STOX2: variants seen among roughly 807,000 people sequenced by gnomAD.
STOX2 encodes the protein storkhead box 2, also known as storkhead-box protein 2.
STOX2 carries 28 observed loss-of-function variants against 60.9 expected under a neutral mutation model. That is an observed-to-expected ratio of 0.46 (90% CI 0.34 to 0.63). The LOEUF is 0.63. Among genes scored for constraint, STOX2 ranks in the 30% least tolerant of loss-of-function variants. The probability of loss-of-function intolerance (pLI) is 0.01; values close to 1 mark genes in which losing one functional copy is unlikely to be tolerated. For missense variants in STOX2, 1,024 were observed against 1,187.7 expected (o/e 0.86, Z 2.03); for synonymous variants, 472 against 463.9 (o/e 1.02, Z -0.22).
intron 1 of STOX2, among the ~76,000 whole-genome samples, chr4:183,838,551 A>G (rs1739770392): frequency 6.6e-6 from 1 of 152,256 alleles, no homozygotes; most frequent in South Asian, 2.1e-4. Flanking sequence ...TGAAGCTACT[A>G]CATCAAAGAT....
At chr4:183,988,079 G>A (rs1732926563) in intron 1 of STOX2, 1 of 144,036 alleles carries the variant, frequency 6.9e-6, no homozygotes, top group South Asian at 2.2e-4. Context: ...GGAGAGGAGA[G>A]TGTGCCCCTC....
At chr4:183,927,178 A>G (rs931489359) in intron 1 of STOX2, among the ~76,000 whole-genome samples, 1 of 152,202 alleles carries the variant, frequency 6.6e-6, no homozygotes, top group African/African-American at 2.4e-5. Context: ...GCCAACGCCA[A>G]ATAGTGGCTT....
intron 1 of STOX2, among the ~76,000 whole-genome samples, chr4:183,871,308 T>C (rs1229577441): frequency 6.6e-6 from 1 of 152,232 alleles, no homozygotes; most frequent in Non-Finnish European, 1.5e-5. Flanking sequence ...TCTTTCTTCT[T>C]TGAATGCCTT....
intron 1 of STOX2, among the ~76,000 whole-genome samples, chr4:183,909,703 C>A (rs925581029): frequency 2.0e-5 from 3 of 152,172 alleles, no homozygotes; most frequent in Non-Finnish European, 2.9e-5. Flanking sequence ...TCCTTTTGGT[C>A]TAGCATCCCG....
intron 1 of STOX2, among the ~76,000 whole-genome samples, chr4:183,819,895 TTAAATAGGG>T (rs1278644185): frequency 6.6e-6 from 1 of 152,178 alleles, no homozygotes; most frequent in Admixed American, 6.5e-5. Flanking sequence ...GGTTATGCTC[TTAAATAGGG>T]TAAGCAATGT....
chr4:183,798,898 C>CCGG, intron 1 of STOX2: 2 of 614,606 alleles, frequency 3.3e-6, no homozygotes, highest in Non-Finnish European at 3.7e-6. Context: ...GGGTTTTATA[C>CCGG]TTTGAGTTTT....
At chr4:183,893,617 C>T (rs1427809691) in intron 1 of STOX2, among the ~76,000 whole-genome samples, 2 of 151,662 alleles carry the variant, frequency 1.3e-5, no homozygotes, top group Admixed American at 1.3e-4. Context: ...ATATAAAATA[C>T]ACTATTATTT....
chr4:183,851,466 A>AGG, intron 1 of STOX2, among the ~76,000 whole-genome samples: 1 of 54,172 alleles, frequency 1.8e-5, no homozygotes, highest in Non-Finnish European at 3.8e-5. Context: ...AGAAACGATG[A>AGG]GAGAAACGAT....
At chr4:184,013,002 G>T (rs1235441427) in intron 3 of STOX2, among the ~76,000 whole-genome samples, 2 of 152,144 alleles carry the variant, frequency 1.3e-5, no homozygotes, top group East Asian at 3.9e-4. Flanking sequence ...AATTTTTGGT[G>T]GTAGGTGTGG....
At chr4:183,938,767 A>G (rs996999654) in intron 1 of STOX2, among the ~76,000 whole-genome samples, 3 of 151,770 alleles carry the variant, frequency 2.0e-5, no homozygotes, top group African/African-American at 7.3e-5. Flanking sequence ...TTCAAAGCTC[A>G]CCATTACCTT....
Position 183,906,623 on chromosome 4 carries a change from G to A in STOX2, c.-168G>A. 1 of 659,484 alleles carries A rather than the reference G, an allele frequency of 1.5e-6. No homozygotes were observed. The highest frequency in any genetic ancestry group is 2.5e-6 in the Non-Finnish European group (1 of 402,854). 40.9% of individuals were successfully genotyped at this position (659,484 alleles called of 1,614,324 possible). On this transcript the variant is annotated 5_prime_UTR_variant, in exon 1 of 4. The change creates a new upstream start codon in the 5' untranslated region. Coordinates refer to ENST00000308497, the MANE Select transcript of STOX2 (RefSeq NM_020225.3). ...CTTCGCCGTGGGGGTGTGGGGGGGCGTGGGGAGGGCCGGACCCGCCGCTGG... is the reference window on the plus strand; with the variant it reads ...CTTCGCCGTGGGGGTGTGGGGGGGCATGGGGAGGGCCGGACCCGCCGCTGG...
chr4:183,904,528 C>T (rs1741536254), upstream of STOX2, among the ~76,000 whole-genome samples: 1 of 152,180 alleles, frequency 6.6e-6, no homozygotes. Context: ...CTAGAAGTGC[C>T]TTTCCCAATT....
chr4:183,862,733 C>T (rs1332679870), intron 1 of STOX2, among the ~76,000 whole-genome samples: 1 of 152,196 alleles, frequency 6.6e-6, no homozygotes, highest in Non-Finnish European at 1.5e-5. Flanking sequence ...GTTTTAAGAT[C>T]AAGGGTAATT....
At chr4:183,912,344 A>C (rs1741804295) in intron 1 of STOX2, among the ~76,000 whole-genome samples, 1 of 152,206 alleles carries the variant, frequency 6.6e-6, no homozygotes, top group Non-Finnish European at 1.5e-5. Flanking sequence ...AGACCAGGGC[A>C]CATCACAGTA....
intron 1 of STOX2, among the ~76,000 whole-genome samples, chr4:183,963,970 T>A (rs1743488877): frequency 6.6e-6 from 1 of 151,744 alleles, no homozygotes; most frequent in Non-Finnish European, 1.5e-5. Flanking sequence ...AGAGACGGGG[T>A]TTCACTGTGT....
chr4:183,955,761 T>A (rs976860138), intron 1 of STOX2, among the ~76,000 whole-genome samples: 6 of 146,750 alleles, frequency 4.1e-5, no homozygotes, highest in African/African-American at 1.3e-4. Context: ...TCTTTAAAGT[T>A]TTTTTTTTTC....
intron 1 of STOX2, among the ~76,000 whole-genome samples, chr4:183,955,288 A>G (rs569636565): frequency 6.6e-6 from 1 of 152,202 alleles, no homozygotes; most frequent in Non-Finnish European, 1.5e-5. Flanking sequence ...AGGGCCAAGT[A>G]TTGTGCTATG....
chr4:183,922,591 A>G (rs76636791), intron 1 of STOX2, among the ~76,000 whole-genome samples: 1 of 151,916 alleles, frequency 6.6e-6, no homozygotes, highest in Non-Finnish European at 1.5e-5. Context: ...TGATCCACCC[A>G]CCTCGGCCTC....
intron 1 of STOX2, among the ~76,000 whole-genome samples, chr4:183,829,736 G>A (rs74339207): frequency 0.02 from 3,107 of 152,244 alleles, 120 homozygotes; most frequent in African/African-American, 0.071. Context: ...CTCGACTTGC[G>A]GTTTCTGTTA....
Sources: gnomAD v4.1 joint callset for allele counts (sites outside exome capture counted in the v4.1 genomes callset) on GRCh38, gnomAD v4.1.1 for gene constraint, MANE v1.5 for transcripts, NCBI Gene and HGNC (gene_info 2026-07-23, HGNC 2026-07-21) for gene names.